Variants in VPS35L observed in about 807,000 individuals in gnomAD.
VPS35L encodes the protein VPS35 endosomal protein sorting factor like.
VPS35L carries 83 observed loss-of-function variants against 133.0 expected under a neutral mutation model. That is an observed-to-expected ratio of 0.62 (90% CI 0.52 to 0.75). The LOEUF (loss-of-function observed/expected upper bound fraction) is 0.75. Ranked by LOEUF, VPS35L falls within the 30% of genes least tolerant of loss-of-function variation. The probability of loss-of-function intolerance (pLI) is 0.00; values close to 1 mark genes in which losing one functional copy is unlikely to be tolerated. For missense variants in VPS35L, 1,083 were observed against 1,206.8 expected (o/e 0.90, Z 1.52); for synonymous variants, 423 against 449.9 (o/e 0.94, Z 0.76).
chr16:19,645,010 TG>T (rs758458750), intron 23 of VPS35L, 61 bp downstream of exon 23: 28 of 1,218,058 alleles, frequency 2.3e-5, no homozygotes, highest in Non-Finnish European at 3.3e-5. Context: ...TTTATCCTTA[TG>T]TTGGCGAAAG....
chr16:19,662,370 G>T (rs1308726478), intron 26 of VPS35L, among the ~76,000 whole-genome samples: 2 of 152,052 alleles, frequency 1.3e-5, no homozygotes, highest in African/African-American at 4.8e-5. Flanking sequence ...AATTAGCCAG[G>T]TATGCCAGAT....
intron 26 of VPS35L, among the ~76,000 whole-genome samples, chr16:19,659,301 G>A (rs1202956336): frequency 6.6e-6 from 1 of 152,184 alleles, no homozygotes. Flanking sequence ...CATGGGCTGA[G>A]CATGCTTGGC....
intron 8 of VPS35L, among the ~76,000 whole-genome samples, chr16:19,592,136 G>A (rs916311749): frequency 2.6e-5 from 4 of 151,258 alleles, no homozygotes; most frequent in Admixed American, 6.6e-5. Flanking sequence ...GGGCAGTGGC[G>A]CAGTCATGGC....
chr16:19,693,397 T>G (rs1268232140), intron 29 of VPS35L, among the ~76,000 whole-genome samples: 1 of 151,994 alleles, frequency 6.6e-6, no homozygotes, highest in Non-Finnish European at 1.5e-5. Flanking sequence ...TCCCAACATT[T>G]TGGGAGGCCC....
chr16:19,638,806 C>T (rs910581084), intron 20 of VPS35L, among the ~76,000 whole-genome samples: 1 of 152,114 alleles, frequency 6.6e-6, no homozygotes, highest in Non-Finnish European at 1.5e-5. Flanking sequence ...GAGCAATGCA[C>T]AATTTCAAAT....
chr16:19,689,511 A>G (rs1028359608), intron 28 of VPS35L, among the ~76,000 whole-genome samples: 2 of 152,046 alleles, frequency 1.3e-5, no homozygotes, highest in African/African-American at 2.4e-5. Flanking sequence ...ACCTCAAGTG[A>G]TCCACCCACC....
intron 9 of VPS35L, among the ~76,000 whole-genome samples, chr16:19,604,027 C>T (rs769645076): frequency 2.6e-4 from 40 of 152,228 alleles, no homozygotes; most frequent in Non-Finnish European, 4.4e-4. Context: ...CCACCACGCC[C>T]GGCCGAATCC....
At chr16:19,663,269 C>A (rs1164721150) in intron 26 of VPS35L, among the ~76,000 whole-genome samples, 1 of 152,134 alleles carries the variant, frequency 6.6e-6, no homozygotes, top group East Asian at 1.9e-4. Flanking sequence ...CAAGATCATG[C>A]CATTGCACTG....
At chr16:19,668,396 C>G (rs1974765082) in intron 26 of VPS35L, among the ~76,000 whole-genome samples, 1 of 152,150 alleles carries the variant, frequency 6.6e-6, no homozygotes, top group South Asian at 2.1e-4. Flanking sequence ...CCCTCCACCT[C>G]CCATCCTTCC....
chr16:19,673,946 G>GC (rs1396551842), intron 27 of VPS35L, among the ~76,000 whole-genome samples: 1 of 152,124 alleles, frequency 6.6e-6, no homozygotes, highest in African/African-American at 2.4e-5. Context: ...TTTGCAGTGT[G>GC]CCTTATTTGC....
At chr16:19,632,044 C>T (rs1325816939) in intron 18 of VPS35L, among the ~76,000 whole-genome samples, 2 of 152,192 alleles carry the variant, frequency 1.3e-5, no homozygotes, top group African/African-American at 4.8e-5. Context: ...TCACTGCAAC[C>T]TCCGCCTCCT....
Position 19,608,164 on chromosome 16 carries a change from T to G in VPS35L, c.785-14T>G, listed in dbSNP as rs759099948. On this transcript the variant is annotated splice_polypyrimidine_tract_variant and intron_variant, in intron 9 of 30. Transcript: ENST00000417362. ...ATTTAGGAGGGCTGATGGATCTTGT[T>G]TTTTGTATTACAGATCACTTTTCTC... is the stretch of plus-strand genomic sequence containing the variant. 8.2e-6 allele frequency: 13 copies of G among 1,594,090 alleles called. No individual in the cohort carries two copies. Among genetic ancestry groups the G allele is most frequent in the Non-Finnish European group, 1.1e-5 (13 of 1,161,868 alleles).
At chr16:19,628,600 A>C (rs1973343431) in intron 16 of VPS35L, 37 bp from the exon 17 acceptor site, 1 of 1,171,038 alleles carries the variant, frequency 8.5e-7, no homozygotes, top group South Asian at 1.4e-5. Context: ...ATTTGATTTA[A>C]AATTTCCATA....
intron 29 of VPS35L, 50 bp downstream of exon 29, chr16:19,691,521 G>T: frequency 6.8e-7 from 1 of 1,465,786 alleles, no homozygotes; most frequent in Middle Eastern, 1.7e-4. Flanking sequence ...GAAAGCACAA[G>T]TTTCCAGGGT....
intron 3 of VPS35L, among the ~76,000 whole-genome samples, chr16:19,570,174 C>G (rs913094114): frequency 1.3e-5 from 2 of 152,092 alleles, no homozygotes; most frequent in East Asian, 3.9e-4. Context: ...AAGCAATTCT[C>G]TCACCTCAGC....
intron 7 of VPS35L, among the ~76,000 whole-genome samples, chr16:19,583,720 A>C (rs76343271): frequency 7.1e-6 from 1 of 140,000 alleles, no homozygotes; most frequent in Non-Finnish European, 1.5e-5. Flanking sequence ...AGATTGTCTC[A>C]AAAAAAAAAA....
rs948191081 is a variant in VPS35L, at chr16:19,657,248, T to G, written c.2221+5158T>G. The stretch of plus-strand genomic sequence containing the variant: ...TCCCAAAGTGCTAGGATTACAGGCA[T>G]GAGCCACCGTGCCCAACCAAGAATG... On this transcript the variant is annotated intron_variant, in intron 26 of 30. Transcript: ENST00000417362. Among the ~76,000 whole-genome samples, 3 of 152,338 alleles carry G rather than the reference T, an allele frequency of 2.0e-5. No homozygotes were observed. The South Asian group carries it at 6.2e-4, about 32-fold the overall frequency.
chr16:19,566,648 G>A (rs1456971400), intron 2 of VPS35L, among the ~76,000 whole-genome samples: 1 of 152,178 alleles, frequency 6.6e-6, no homozygotes, highest in African/African-American at 2.4e-5. Context: ...GACACAAAAA[G>A]GAAAGTGACA....
intron 1 of VPS35L, among the ~76,000 whole-genome samples, chr16:19,561,966 G>T (rs1455167635): frequency 2.6e-5 from 4 of 152,040 alleles, no homozygotes; most frequent in African/African-American, 9.7e-5. Flanking sequence ...AATTAGCCGG[G>T]CGTGGGGGTG....
Sources: allele counts gnomAD v4.1 joint callset (sites outside exome capture counted in the v4.1 genomes callset), GRCh38; gene constraint gnomAD v4.1.1; transcripts MANE v1.5; gene names NCBI Gene and HGNC (gene_info 2026-07-23, HGNC 2026-07-21).